PI4KA: variants seen among roughly 807,000 people sequenced by gnomAD.
The protein encoded by PI4KA is phosphatidylinositol 4-kinase alpha.
Under a neutral mutation model 271.4 loss-of-function variants are expected in PI4KA, and 122 were observed. The ratio of observed to expected loss-of-function variants is 0.45; its 90% CI spans 0.39 to 0.52. PI4KA has a LOEUF of 0.52. Ranked by LOEUF, PI4KA falls within the 20% of genes least tolerant of loss-of-function variation. The pLI, the probability that PI4KA is intolerant of heterozygous loss-of-function variation, is 0.00. For missense variants in PI4KA, 1,969 were observed against 2,769.1 expected (o/e 0.71, Z 6.48); for synonymous variants, 1,041 against 1,078.8 (o/e 0.96, Z 0.69).
intron 3 of PI4KA, 41 bp downstream of exon 3, chr22:20,834,521 T>C (rs1924609777): frequency 1.7e-6 from 2 of 1,153,554 alleles, no homozygotes; most frequent in Non-Finnish European, 2.6e-6. Flanking sequence ...TGAACATGTG[T>C]ATTTTCTCTT....
At chr22:20,775,230 A>C (rs1933174302) in intron 19 of PI4KA, among the ~76,000 whole-genome samples, 2 of 152,064 alleles carry the variant, frequency 1.3e-5, no homozygotes, top group South Asian at 2.1e-4. Context: ...TGAATGATTT[A>C]TCTTTAAAAT....
At chr22:20,757,390 CA>C (rs1293150680) in intron 23 of PI4KA, among the ~76,000 whole-genome samples, 1 of 152,160 alleles carries the variant, frequency 6.6e-6, no homozygotes, top group East Asian at 1.9e-4. Flanking sequence ...TGAGGAGGAA[CA>C]ATCAGTCCCC....
chr22:20,798,898 T>C, intron 16 of PI4KA, 195 bp downstream of exon 16: 1 of 624,188 alleles, frequency 1.6e-6, no homozygotes, highest in Non-Finnish European at 2.8e-6. Context: ...TATAATACAC[T>C]GACAAGAAAT....
chr22:20,782,029 G>A (rs1300170386), intron 19 of PI4KA, among the ~76,000 whole-genome samples: 1 of 152,220 alleles, frequency 6.6e-6, no homozygotes, highest in Non-Finnish European at 1.5e-5. Flanking sequence ...ATAAACATAT[G>A]ATATTGTTAG....
chr22:20,824,283 A>ATAG, intron 4 of PI4KA, 43 bp downstream of exon 4: 1 of 1,201,388 alleles, frequency 8.3e-7, no homozygotes, highest in Non-Finnish European at 1.2e-6. Context: ...GACTCTATTC[A>ATAG]ATCTAATAGA....
chr22:20,772,142 A>G (rs1345747020), intron 19 of PI4KA, among the ~76,000 whole-genome samples: 1 of 152,242 alleles, frequency 6.6e-6, no homozygotes, highest in Non-Finnish European at 1.5e-5. Context: ...TAATTTTCAC[A>G]ACAACCTCAT....
chr22:20,758,459 C>CTTTTTTTTTTTTTTTTTTTTTT (rs35401829), intron 23 of PI4KA, among the ~76,000 whole-genome samples: 1 of 85,030 alleles, frequency 1.2e-5, no homozygotes, highest in Non-Finnish European at 2.2e-5. Context: ...TCTTTCTTTT[C>CTTTTTTTTTTTTTTTTTTTTTT]TTTTTTTTTT....
chr22:20,743,415 A>C (rs1929691357), intron 30 of PI4KA, among the ~76,000 whole-genome samples: 1 of 151,982 alleles, frequency 6.6e-6, no homozygotes, highest in Non-Finnish European at 1.5e-5. Flanking sequence ...AAGTGCTGGG[A>C]TTACAGGCGT....
At chr22:20,771,314 T>C (rs1477068165) in intron 19 of PI4KA, among the ~76,000 whole-genome samples, 1 of 151,388 alleles carries the variant, frequency 6.6e-6, no homozygotes, top group Non-Finnish European at 1.5e-5. Flanking sequence ...TCCCAGCTAC[T>C]AGGGAGGCTG....
chr22:20,839,475 T>C (rs1198749399), intron 1 of PI4KA, among the ~76,000 whole-genome samples: 2 of 152,186 alleles, frequency 1.3e-5, no homozygotes, highest in East Asian at 3.8e-4. Context: ...TCCCCACCCC[T>C]TGACCACGAA....
intron 13 of PI4KA, 28 bp downstream of exon 13, chr22:20,803,163 G>A (rs773969305): frequency 1.2e-5 from 19 of 1,612,382 alleles, no homozygotes; most frequent in Middle Eastern, 1.7e-4. Flanking sequence ...CTTTCTCAGG[G>A]CCTGAAGGGC....
chr22:20,845,763 G>A (rs1201927367), intron 1 of PI4KA, among the ~76,000 whole-genome samples: 1 of 152,190 alleles, frequency 6.6e-6, no homozygotes, highest in Non-Finnish European at 1.5e-5. Context: ...TGCTTGGGAA[G>A]CTGAGGTGGG....
intron 42 of PI4KA, chr22:20,726,205 G>A (rs750454393): frequency 4.9e-5 from 17 of 350,370 alleles, no homozygotes; most frequent in Non-Finnish European, 8.7e-5. Flanking sequence ...GGACCCCACC[G>A]ATGAGAGGGA....
chr22:20,826,371 A>C (rs559879562), intron 3 of PI4KA, among the ~76,000 whole-genome samples: 1 of 152,162 alleles, frequency 6.6e-6, no homozygotes, highest in Non-Finnish European at 1.5e-5. Context: ...AAAAAATAAA[A>C]GGACATAATC....
chr22:20,737,623 C>T (rs1424872530), intron 32 of PI4KA, among the ~76,000 whole-genome samples: 6 of 145,048 alleles, frequency 4.1e-5, no homozygotes, highest in Non-Finnish European at 7.5e-5. Flanking sequence ...GCTACAGCCC[C>T]TACTCTTTTT....
chr22:20,761,379 G>A lies in PI4KA; in HGVS notation c.2716C>T (p.Arg906Cys), dbSNP rs753428019. ...TGGAAGCGATCAGGATCTGTTGAAC[G>A]CAGTACCCTAAGAAGAAAACAGCTT... ...VYRLEYMRVL[R>C]STDPDRFQVM... is the part of the protein sequence containing the mutation. The change falls in exon 23 of 55, where the codon CGT becomes TGT. Residue 906 changes from arginine (R) to cysteine (C), a missense_variant. This residue lies in a region of PI4KA where 368 missense variants were observed against 544.3 expected (regional missense o/e 0.68). Transcript: ENST00000255882. 6.8e-6 allele frequency: 11 copies of A among 1,607,068 alleles called. No individual in the cohort carries two copies. Among genetic ancestry groups the A allele is most frequent in the South Asian group, 1.1e-5 (1 of 90,976 alleles).
Position 20,766,129 on chromosome 22 carries a change from G to A in PI4KA, c.2329-436C>T, listed in dbSNP as rs114618796. ...ACTGTGGAGGGTAACAAATGCTCAGGAAAGGCAAACAATGGATGCGAGCCA... is the reference window on the plus strand; with the variant it reads ...ACTGTGGAGGGTAACAAATGCTCAGAAAAGGCAAACAATGGATGCGAGCCA... On this transcript the variant is annotated intron_variant, in intron 19 of 54. Transcript: ENST00000255882. Among the ~76,000 whole-genome samples the A allele has an allele frequency of 5.0e-3, 757 of 152,320 alleles. 10 individuals are homozygous for A. The highest frequency in any genetic ancestry group is 0.018 in the African/African-American group (734 of 41,560).
intron 19 of PI4KA, among the ~76,000 whole-genome samples, chr22:20,785,089 A>C (rs573529488): frequency 2.6e-4 from 29 of 112,030 alleles, no homozygotes; most frequent in African/African-American, 9.7e-4. Context: ...TTTTTTTTTG[A>C]GACAGGGTCT....
In PI4KA at chr22:20,747,578, C is replaced by T. The variant is rs749973949; in HGVS notation, c.3363+5G>A. 1.2e-6 allele frequency: 2 copies of T among 1,613,896 alleles called. No homozygotes were observed. The highest frequency in any genetic ancestry group is 1.7e-6 in the Non-Finnish European group (2 of 1,179,886). On this transcript the variant is annotated splice_donor_5th_base_variant and intron_variant, in intron 29 of 54. Coordinates refer to ENST00000255882, the MANE Select transcript of PI4KA (RefSeq NM_058004.4). Reference sequence around the variant, plus strand: ...GTCACTGCTCTTCAGAAGGCTCGCACATACCCCAAGAGTTGTGTTCTGCTT... The same window carrying T: ...GTCACTGCTCTTCAGAAGGCTCGCATATACCCCAAGAGTTGTGTTCTGCTT...
Sources: allele counts gnomAD v4.1 joint callset (sites outside exome capture counted in the v4.1 genomes callset), GRCh38; gene constraint gnomAD v4.1.1; regional missense constraint gnomAD v4.1.1; transcripts MANE v1.5; gene names NCBI Gene and HGNC (gene_info 2026-07-23, HGNC 2026-07-21).